The following CPVL variants were observed in gnomAD, a reference collection of about 807,000 sequenced individuals.
CPVL encodes carboxypeptidase vitellogenic like.
A neutral mutation model predicts 63.7 loss-of-function variants in CPVL; 51 were observed. The ratio of observed to expected loss-of-function variants is 0.80; its 90% confidence interval spans 0.64 to 1.01. CPVL has a LOEUF of 1.01. Ranked by LOEUF, CPVL falls within the 50% of genes least tolerant of loss-of-function variation. The pLI is 0.00. For missense variants in CPVL, 530 were observed against 573.1 expected (o/e 0.92, Z 0.77); for synonymous variants, 195 against 206.0 (o/e 0.95, Z 0.46).
chr7:29,194,837 T>A, intron 1 of CPVL: 3 of 1,081,732 alleles, frequency 2.8e-6, no homozygotes, highest in Non-Finnish European at 3.6e-6. Context: ...CCCAGGACTT[T>A]GCCATGGGCT....
intron 1 of CPVL, among the ~76,000 whole-genome samples, chr7:29,141,466 C>T (rs1791872233): frequency 6.6e-6 from 1 of 152,154 alleles, no homozygotes; most frequent in African/African-American, 2.4e-5. Flanking sequence ...AAGAGAATCG[C>T]TTTTACCCAG....
intron 2 of CPVL, among the ~76,000 whole-genome samples, chr7:29,117,694 C>A (rs1427617679): frequency 6.6e-6 from 1 of 152,126 alleles, no homozygotes; most frequent in African/African-American, 2.4e-5. Context: ...TTTCTCCGGG[C>A]CTCAGTGTTC....
Position 29,129,515 on chromosome 7 carries a change from G to T in CPVL, c.-10-8444C>A, listed in dbSNP as rs549396248. 2.7e-5 allele frequency among the ~76,000 whole-genome samples: 4 copies of T among 149,710 alleles called. No homozygotes were observed. The South Asian group carries it at 8.4e-4, about 32-fold the overall frequency. ...GAGACGAGTCTCGCTCGGTCGCCAG[G>T]GTGGAGTGCAGTGGCACGATCGCAG... On this transcript the variant is annotated intron_variant, in intron 1 of 12. Coordinates refer to ENST00000265394, the MANE Select transcript of CPVL (RefSeq NM_031311.5).
chr7:29,194,467 G>T (rs992837805), intron 1 of CPVL: 1 of 155,930 alleles, frequency 6.4e-6, no homozygotes, highest in Non-Finnish European at 1.4e-5. Flanking sequence ...GGGGGAGGTC[G>T]CTCTGTCTGT....
chr7:29,126,756 T>C (rs1057111078), intron 1 of CPVL: 2 of 152,244 alleles, frequency 1.3e-5, no homozygotes, highest in Admixed American at 6.5e-5. Context: ...AAAATAGTTA[T>C]TGCCCGGCAC....
intron 3 of CPVL, among the ~76,000 whole-genome samples, chr7:29,099,378 G>A (rs1786825597): frequency 6.6e-6 from 1 of 152,190 alleles, no homozygotes; most frequent in African/African-American, 2.4e-5. Context: ...GTGTTCAAAT[G>A]TCTATGAACA....
intron 5 of CPVL, among the ~76,000 whole-genome samples, chr7:29,159,113 C>T (rs1356094723): frequency 1.3e-5 from 2 of 152,196 alleles, no homozygotes; most frequent in African/African-American, 4.8e-5. Flanking sequence ...TAATGGGCTA[C>T]ACAGCACAAG....
In CPVL at chr7:29,023,300, G is replaced by A. The variant is rs542941716; in HGVS notation, c.1320+7277C>T. On this transcript the variant is annotated intron_variant, in intron 12 of 12. Coordinates refer to ENST00000265394, the MANE Select transcript of CPVL (RefSeq NM_031311.5). Reference sequence around the variant, plus strand: ...TGGCAGGGGGGCTCACAAACATGATGGAAGGCAAAGGAGAAGCAAAGGCCC... The same window carrying A: ...TGGCAGGGGGGCTCACAAACATGATAGAAGGCAAAGGAGAAGCAAAGGCCC... 3.3e-5 allele frequency among the ~76,000 whole-genome samples: 5 copies of A among 152,322 alleles called. No individual in the cohort carries two copies. In the East Asian group the frequency reaches 9.6e-4, roughly 29 times the overall value.
chr7:29,009,626 G>C (rs1785592767), intron 12 of CPVL: 1 of 152,060 alleles, frequency 6.6e-6, no homozygotes, highest in Admixed American at 6.5e-5. Flanking sequence ...AATAGCAAAA[G>C]TATGTTTTTG....
intron 12 of CPVL, among the ~76,000 whole-genome samples, chr7:29,000,284 T>C (rs1583924961): frequency 7.2e-6 from 1 of 139,114 alleles, no homozygotes; most frequent in African/African-American, 2.7e-5. Context: ...AAGTTCACAG[T>C]GGGCTTGTTG....
intron 1 of CPVL, among the ~76,000 whole-genome samples, chr7:29,139,872 C>T (rs1791667123): frequency 6.6e-6 from 1 of 152,190 alleles, no homozygotes; most frequent in Admixed American, 6.5e-5. Flanking sequence ...ACTTGACTTG[C>T]TGATTGCTAA....
chr7:29,066,850 C>T (rs944376556), intron 9 of CPVL, among the ~76,000 whole-genome samples: 1 of 152,198 alleles, frequency 6.6e-6, no homozygotes. Flanking sequence ...TGTGTGGAGA[C>T]AAGCACAGCC....
At chr7:29,065,712 A>T (rs1783066566) in intron 10 of CPVL, among the ~76,000 whole-genome samples, 1 of 152,172 alleles carries the variant, frequency 6.6e-6, no homozygotes, top group African/African-American at 2.4e-5. Flanking sequence ...GGGACCTGAG[A>T]CCCAGAACTC....
At chr7:29,120,838 A>AG (rs1554343211) in intron 2 of CPVL, 55 bp downstream of exon 2, 1 of 1,396,352 alleles carries the variant, frequency 7.2e-7, no homozygotes, top group Non-Finnish European at 9.8e-7. Context: ...AAAAAAAAAA[A>AG]GAGAAACTGT....
At chr7:29,149,189 CTTTTT>C (rs60520174), upstream of CPVL, among the ~76,000 whole-genome samples, 1 of 100,338 alleles carries the variant, frequency 1.0e-5, no homozygotes, top group Non-Finnish European at 1.8e-5. Flanking sequence ...GTCTGTTTCC[CTTTTT>C]TTTTTTTTTT....
intron 4 of CPVL, among the ~76,000 whole-genome samples, chr7:29,181,689 T>A (rs1798073002): frequency 6.6e-6 from 1 of 152,206 alleles, no homozygotes; most frequent in Non-Finnish European, 1.5e-5. Context: ...TGTATTCATT[T>A]TAAAAATTAC....
intron 3 of CPVL, 149 bp from the exon 4 acceptor site, chr7:29,096,366 A>G: frequency 1.6e-6 from 1 of 643,776 alleles, no homozygotes; most frequent in Non-Finnish European, 2.8e-6. Flanking sequence ...ACCACTCTCC[A>G]CTATGAGCAA....
intron 1 of CPVL, chr7:29,122,614 A>T (rs561506222): frequency 6.6e-6 from 1 of 152,312 alleles, no homozygotes; most frequent in Admixed American, 6.5e-5. Context: ...TGTCACCAGG[A>T]AAGTGAGGAC....
At chr7:29,157,477 G>A (rs548958935) in intron 5 of CPVL, among the ~76,000 whole-genome samples, 106 of 152,294 alleles carry the variant, frequency 7.0e-4, no homozygotes, top group Non-Finnish European at 1.2e-3. Context: ...GCTTCGCACA[G>A]TGGCTTATTC....
Sources: gnomAD v4.1 joint callset for allele counts (sites outside exome capture counted in the v4.1 genomes callset) on GRCh38, gnomAD v4.1.1 for gene constraint, MANE v1.5 for transcripts, NCBI Gene and HGNC (gene_info 2026-07-23, HGNC 2026-07-21) for gene names.